The following NF1 variants were observed in gnomAD, a reference collection of about 807,000 sequenced individuals.
NF1 encodes the protein neurofibromin.
In NF1, 122 loss-of-function variants were observed where a neutral mutation model predicts 325.7. That is an observed-to-expected ratio of 0.37 (90% CI 0.32 to 0.44). NF1 has a LOEUF of 0.44. Ranked by LOEUF, NF1 falls within the 20% of genes least tolerant of loss-of-function variation. NF1 has a pLI of 1.00. For missense variants in NF1, 2,140 were observed against 3,415.4 expected, an observed-to-expected ratio of 0.63 and a Z score of 9.31; for synonymous variants, 1,091 against 1,186.0, an observed-to-expected ratio of 0.92 and a Z score of 1.65.
chr17:31,238,346 C>T (rs2067238555), intron 29 of NF1, among the ~76,000 whole-genome samples: 1 of 152,122 alleles, frequency 6.6e-6, no homozygotes, highest in Non-Finnish European at 1.5e-5. Flanking sequence ...AAGGTTTGCC[C>T]TCAGGAGAAA....
At chr17:31,214,612 A>G (rs768045923) in intron 13 of NF1, 27 bp downstream of exon 13, 1 of 1,609,888 alleles carries the variant, frequency 6.2e-7, no homozygotes, top group African/African-American at 1.3e-5. Context: ...GAAATGTCTC[A>G]AAATTATCAC....
intron 50 of NF1, among the ~76,000 whole-genome samples, chr17:31,351,781 G>T (rs941904527): frequency 3.3e-5 from 5 of 152,020 alleles, no homozygotes; most frequent in African/African-American, 1.2e-4. Flanking sequence ...CCTGCAGGCC[G>T]CACGCAGCCC....
intron 29 of NF1, among the ~76,000 whole-genome samples, chr17:31,237,124 C>T (rs544866262): frequency 6.6e-4 from 100 of 152,182 alleles, no homozygotes; most frequent in African/African-American, 2.3e-3. Flanking sequence ...ATTGTTCTTC[C>T]TAAATAATCA....
intron 1 of NF1, among the ~76,000 whole-genome samples, chr17:31,098,961 A>G (rs901435367): frequency 6.6e-6 from 1 of 151,408 alleles, no homozygotes; most frequent in Non-Finnish European, 1.5e-5. Context: ...AAGAATCTTA[A>G]TAGTTTCAAC....
chr17:31,295,279 T>A (rs879030501), intron 36 of NF1: 1 of 1,614,160 alleles, frequency 6.2e-7, no homozygotes, highest in South Asian at 1.1e-5. Flanking sequence ...TAGTTAGAGT[T>A]GCAGCTGCTG....
chr17:31,254,896 C>G (rs2067556383), intron 31 of NF1, among the ~76,000 whole-genome samples: 1 of 152,042 alleles, frequency 6.6e-6, no homozygotes, highest in East Asian at 1.9e-4. Flanking sequence ...AGTATGAAGA[C>G]AGTATACTCA....
At chr17:31,245,388 G>C (rs1469633451) in intron 29 of NF1, among the ~76,000 whole-genome samples, 1 of 152,140 alleles carries the variant, frequency 6.6e-6, no homozygotes, top group African/African-American at 2.4e-5. Context: ...TACCAACCAG[G>C]TGTCCTTGTG....
intron 24 of NF1, among the ~76,000 whole-genome samples, chr17:31,231,662 T>C (rs1192073332): frequency 6.6e-6 from 1 of 152,224 alleles, no homozygotes; most frequent in African/African-American, 2.4e-5. Flanking sequence ...ATATTTGTTA[T>C]ACCATATTGT....
intron 29 of NF1, among the ~76,000 whole-genome samples, chr17:31,239,552 G>GC (rs1025487731): frequency 6.0e-5 from 9 of 149,206 alleles, no homozygotes; most frequent in African/African-American, 2.0e-4. Context: ...AAGCAAGATG[G>GC]GGGGAGGAAT....
chr17:31,202,952 G>A (rs1370995144), intron 11 of NF1, among the ~76,000 whole-genome samples: 2 of 152,036 alleles, frequency 1.3e-5, no homozygotes, highest in East Asian at 1.9e-4. Context: ...TTTCCGCTGT[G>A]GCTCAGAACA....
chr17:31,313,250 G>A (rs934625510), intron 36 of NF1, among the ~76,000 whole-genome samples: 4 of 152,096 alleles, frequency 2.6e-5, no homozygotes, highest in Non-Finnish European at 2.9e-5. Context: ...ATTATATTAT[G>A]TACAGGAAAA....
At chr17:31,218,858 C>T in intron 13 of NF1, 147 bp from the exon 14 acceptor site, 3 of 797,100 alleles carry the variant, frequency 3.8e-6, no homozygotes, top group South Asian at 1.7e-5. Flanking sequence ...AGGCGTGAAC[C>T]ACCGCGTCCA....
chr17:31,357,444 T>G, intron 54 of NF1, 75 bp downstream of exon 54: 2 of 1,171,818 alleles, frequency 1.7e-6, no homozygotes, highest in Non-Finnish European at 1.3e-6. Flanking sequence ...TAATGTGCAC[T>G]GGTTGCAAAG....
In NF1 at chr17:31,359,083, TTTA is replaced by T. The variant is rs1188492835; in HGVS notation, c.8160+69_8160+71del. On this transcript the variant is annotated intron_variant, in intron 56 of 57. Coordinates refer to ENST00000358273, the MANE Select transcript of NF1 (RefSeq NM_001042492.3). Reference sequence around the variant, plus strand: ...TTTCTGTTCAAATTAGTATGCCTGCTTTAAGAACACACAATGTGCTGAAAACCA... The same window carrying T: ...TTTCTGTTCAAATTAGTATGCCTGCTAGAACACACAATGTGCTGAAAACCA... 3 of 1,219,802 alleles carry T rather than the reference TTTA, an allele frequency of 2.5e-6. No homozygotes were observed. The African/African-American group carries it at 4.5e-5, about 18-fold the overall frequency. 75.6% of individuals were successfully genotyped at this position (1,219,802 alleles called of 1,614,324 possible). A position where few individuals can be genotyped will look rare whatever the true frequency, so the allele number is the denominator to read the frequency against.
At chr17:31,233,903 A>G (rs1221409931) in intron 27 of NF1, among the ~76,000 whole-genome samples, 2 of 152,142 alleles carry the variant, frequency 1.3e-5, no homozygotes, top group East Asian at 1.9e-4. Flanking sequence ...GTAAAATTCA[A>G]ACTCCTTACC....
chr17:31,252,917 G>A, intron 30 of NF1, 21 bp from the exon 31 acceptor site: 1 of 1,608,654 alleles, frequency 6.2e-7, no homozygotes, highest in Non-Finnish European at 8.5e-7. Context: ...TGACTTGTTT[G>A]TGCTCATCTC....
At chr17:31,370,617 A>G (rs1296873612) in intron 57 of NF1, among the ~76,000 whole-genome samples, 1 of 152,208 alleles carries the variant, frequency 6.6e-6, no homozygotes, top group Non-Finnish European at 1.5e-5. Flanking sequence ...CTTCATCTAC[A>G]TTACTACAAT....
Position 31,340,492 on chromosome 17 carries a change from T to C in NF1, c.6922-13T>C, listed in dbSNP as rs199901687. On this transcript the variant is annotated splice_polypyrimidine_tract_variant and intron_variant, in intron 46 of 57. Transcript: ENST00000358273. ...ATTCATCTTACTAGCCTCAAACATA[T>C]CTTCTTTGCCAGGACTCGCCTCTGC... is the stretch of plus-strand genomic sequence containing the variant. The C allele has an allele frequency of 5.6e-6, 9 of 1,614,084 alleles. No homozygotes were observed. Among genetic ancestry groups the C allele is most frequent in the South Asian group, 4.4e-5 (4 of 91,092 alleles).
At chr17:31,267,951 G>C (rs1315362115) in intron 36 of NF1, among the ~76,000 whole-genome samples, 1 of 152,112 alleles carries the variant, frequency 6.6e-6, no homozygotes, top group Non-Finnish European at 1.5e-5. Flanking sequence ...GTTTTAGTTA[G>C]GCTTTTATTG....
Sources: allele counts gnomAD v4.1 joint callset (sites outside exome capture counted in the v4.1 genomes callset), GRCh38; gene constraint gnomAD v4.1.1; transcripts MANE v1.5; gene names NCBI Gene and HGNC (gene_info 2026-07-23, HGNC 2026-07-21).